The following CEL variants were observed in gnomAD, a reference collection of about 807,000 sequenced individuals.
CEL encodes the protein carboxyl ester lipase.
Under a neutral mutation model 57.1 loss-of-function variants are expected in CEL, and 39 were observed. The observed-to-expected ratio is 0.68, with a 90% confidence interval of 0.53 to 0.89. The LOEUF is 0.89. Among genes scored for constraint, CEL ranks in the 40% least tolerant of loss-of-function variants. CEL has a pLI of 0.00. For missense variants in CEL, 698 were observed against 915.0 expected, an observed-to-expected ratio of 0.76 and a Z score of 3.06; for synonymous variants, 314 against 396.6, an observed-to-expected ratio of 0.79 and a Z score of 2.48.
intron 1 of CEL, 91 bp downstream of exon 1, chr9:133,062,159 GC>G: frequency 7.3e-7 from 1 of 1,362,816 alleles, no homozygotes; most frequent in Non-Finnish European, 1.0e-6. Context: ...GCCCAGCACA[GC>G]CCCGCAGCAG....
At position 133,071,616 on chromosome 9, in the gene CEL, CCA is replaced by C. The variant is rs1830276296; in HGVS notation, c.2116_2117del (p.Thr706GlyfsTer2). 1 of 1,468,374 alleles carries C rather than the reference CCA, an allele frequency of 6.8e-7. No homozygotes were observed. Among genetic ancestry groups the C allele is most frequent in the African/African-American group, 1.5e-5 (1 of 67,524 alleles). The allele number at this position is 1,468,374 out of a possible 1,614,324, so 91.0% of individuals were successfully genotyped here. A position where few individuals can be genotyped will look rare whatever the true frequency, so the allele number is the denominator to read the frequency against. On this transcript the variant is annotated frameshift_variant, in exon 11 of 11. Coordinates refer to ENST00000372080, the MANE Select transcript of CEL (RefSeq NM_001807.6). LOFTEE classifies it high-confidence loss of function. ...GACTCCGGGGCCCCCCCCGTGACCC[CCA>C]CGGGTGACTCCGAGACCGCCCCCGT...
In CEL at chr9:133,071,541, C is replaced by T. The variant is rs1187803337; in HGVS notation, c.2039C>T (p.Pro680Leu). The T allele has an allele frequency of 3.5e-6, 3 of 854,856 alleles. No individual in the cohort carries two copies. Among genetic ancestry groups the T allele is most frequent in the East Asian group, 4.0e-5 (1 of 25,082 alleles). The allele number at this position is 854,856 out of a possible 1,614,324, so 53.0% of individuals were successfully genotyped here. A position where few individuals can be genotyped will look rare whatever the true frequency, so the allele number is the denominator to read the frequency against. Reference protein sequence around the residue: ...VPPTGDAGPPPVPPTGDSGAP... With the variant: ...VPPTGDAGPPLVPPTGDSGAP... ...CCCACGGGTGACGCCGGGCCCCCCC[C>T]CGTGCCGCCCACGGGTGACTCCGGC... The change falls in exon 11 of 11, where the codon CCC (proline) becomes CTC (leucine). Residue 680 changes from proline to leucine, a missense_variant. This residue lies in a region of CEL where 238 missense variants were observed against 213.7 expected (regional missense o/e 1.11). Coordinates refer to ENST00000372080, the MANE Select transcript of CEL (RefSeq NM_001807.6).
rs1331347906 is a variant in CEL at position 133,066,230 on chromosome 9, C to T, written c.539-300C>T. 2.0e-5 allele frequency among the ~76,000 whole-genome samples: 3 copies of T among 152,056 alleles called. No individual in the cohort carries two copies. Among genetic ancestry groups the T allele is most frequent in the Admixed American group, 2.0e-4 (3 of 15,268 alleles). On this transcript the variant is annotated intron_variant, in intron 4 of 10. Transcript: ENST00000372080. The surrounding 1 kb of genome is among the most constrained non-coding windows in gnomAD (Gnocchi z 4.3). ...ATCCTGCCCCCGACAAACACCACCC[C>T]CTCCAGCACCACACCAACCCAACCT... is the stretch of plus-strand genomic sequence containing the variant.
At position 133,066,485 on chromosome 9, in the gene CEL, C is replaced by G. The variant is rs899669409; in HGVS notation, c.539-45C>G. 2 of 1,612,700 alleles carry G rather than the reference C, an allele frequency of 1.2e-6. No individual in the cohort carries two copies. Among genetic ancestry groups the G allele is most frequent in the African/African-American group, 1.3e-5 (1 of 74,910 alleles). Reference sequence around the variant, plus strand: ...TGATCTCCCCTCCTGGAGGCCAGGCCTGGGCCACTGGTCTCTAGCACCCCC... The same window carrying G: ...TGATCTCCCCTCCTGGAGGCCAGGCGTGGGCCACTGGTCTCTAGCACCCCC... On this transcript the variant is annotated intron_variant, in intron 4 of 10. Coordinates refer to ENST00000372080, the MANE Select transcript of CEL (RefSeq NM_001807.6). This position sits in a 1 kb window ranked among gnomAD's most constrained non-coding sequence, Gnocchi z 4.3.
At position 133,064,717 on chromosome 9, in the gene CEL, G is replaced by A. The variant is rs770717741; in HGVS notation, c.295G>A (p.Asp99Asn). The change falls in exon 3 of 11, where the codon GAC becomes AAC. Residue 99 changes from aspartate (D) to asparagine (N), a missense_variant. Transcript: ENST00000372080. Reference sequence around the variant, plus strand: ...CCAGGACAGCACCTACGGGGATGAAGACTGCCTGTACCTCAACATTTGGGT... The same window carrying A: ...CCAGGACAGCACCTACGGGGATGAAAACTGCCTGTACCTCAACATTTGGGT... The part of the protein sequence containing the change: ...ITQDSTYGDE[D>N]CLYLNIWVPQ... 1.2e-6 allele frequency: 2 copies of A among 1,614,030 alleles called. No individual in the cohort carries two copies. The highest frequency in any genetic ancestry group is 1.7e-6 in the Non-Finnish European group (2 of 1,180,032).
chr9:133,067,028 A>C, intron 6 of CEL, 60 bp from the exon 7 acceptor site: 2 of 1,608,636 alleles, frequency 1.2e-6, no homozygotes, highest in East Asian at 4.5e-5. Context: ...CTTGCCTTCA[A>C]ATGGTTCTGA....
At chr9:133,063,131 C>T (rs1261995861) in intron 1 of CEL, among the ~76,000 whole-genome samples, 14 of 152,226 alleles carry the variant, frequency 9.2e-5, no homozygotes, top group Non-Finnish European at 1.8e-4. Context: ...CTGCTCTCCA[C>T]ACTCCCTGGC....
chr9:133,067,276 T>C, intron 7 of CEL, 71 bp downstream of exon 7: 1 of 1,360,650 alleles, frequency 7.3e-7, no homozygotes, highest in Non-Finnish European at 1.0e-6. Context: ...CAGGGAGTAC[T>C]CCGGAGGAGA....
At chr9:133,070,917 G>C (rs1326090782) in intron 10 of CEL, 70 bp from the exon 11 acceptor site, 11 of 1,565,832 alleles carry the variant, frequency 7.0e-6, no homozygotes, top group African/African-American at 1.4e-5. Flanking sequence ...GCTCAGGCGT[G>C]CAGGTGGAGA....
At chr9:133,064,264 G>C in intron 1 of CEL, 140 bp from the exon 2 acceptor site, 1 of 1,100,236 alleles carries the variant, frequency 9.1e-7, no homozygotes, top group Non-Finnish European at 1.3e-6. Context: ...AGGGGGTGCT[G>C]CCTGGGTCTC....
chr9:133,071,604 C>A lies in CEL; in HGVS notation c.2102C>A (p.Pro701His), dbSNP rs748561381. Residue 701 changes from proline to histidine, a missense_variant, in exon 11 of 11, where the codon CCC (proline) becomes CAC (histidine). Physicochemically the swap from Pro to His is moderately conservative, Grantham distance 77 (BLOSUM62 -2). This residue lies in a region of CEL where 238 missense variants were observed against 213.7 expected (regional missense o/e 1.11). Transcript: ENST00000372080. ...PVPPTGDSGA[P>H]PVTPTGDSET... ...CCGCCCACGGGTGACTCCGGGGCCC[C>A]CCCCGTGACCCCCACGGGTGACTCC... The A allele has an allele frequency of 6.9e-7, 1 of 1,441,434 alleles. No homozygotes were observed. The highest frequency in any genetic ancestry group is 1.9e-5 in the Admixed American group (1 of 51,700). The allele number at this position is 1,441,434 out of a possible 1,614,324, so 89.3% of individuals were successfully genotyped here.
Position 133,066,971 on chromosome 9 carries a change from C to A in CEL, c.777+26C>A. 3.5e-6 allele frequency: 2 copies of A among 571,492 alleles called. No homozygotes were observed. Among genetic ancestry groups the A allele is most frequent in the South Asian group, 1.6e-5 (1 of 63,732 alleles). The allele number at this position is 571,492 out of a possible 1,614,324, so 35.4% of individuals were successfully genotyped here. ...GTAAACGGAGGAGGGCAGGGCTGGG[C>A]GGGGTGGGGGCTGTCCACATTTCCG... On this transcript the variant is annotated intron_variant, in intron 6 of 10. Transcript: ENST00000372080. The surrounding 1 kb of genome is among the most constrained non-coding windows in gnomAD (Gnocchi z 4.3).
Position 133,064,499 on chromosome 9 carries a change from C to T in CEL, c.162C>T (p.Pro54=), listed in dbSNP as rs772642535. 6.2e-7 allele frequency: 1 copy of T among 1,614,158 alleles called. No homozygotes were observed. Residue 54 remains proline, a synonymous_variant, in exon 2 of 11, where the codon CCC becomes CCT. Transcript: ENST00000372080. ...GDSVDIFKGI[P]FAAPTKALEN... ...CTGTGGACATCTTCAAGGGCATCCCCTTCGCAGCTCCCACCAAGGCCCTGG... is the reference window on the plus strand; with the variant it reads ...CTGTGGACATCTTCAAGGGCATCCCTTTCGCAGCTCCCACCAAGGCCCTGG...
At chr9:133,067,327 T>C (rs926641823) in intron 7 of CEL, 122 bp downstream of exon 7, 2 of 881,510 alleles carry the variant, frequency 2.3e-6, no homozygotes, top group Non-Finnish European at 1.8e-6. Context: ...TGTCACCAAC[T>C]AGCTGGTGTC....
At chr9:133,064,822 T>C (rs987675653) in intron 3 of CEL, 60 bp downstream of exon 3, 16 of 1,610,900 alleles carry the variant, frequency 9.9e-6, no homozygotes, top group Non-Finnish European at 1.3e-5. Flanking sequence ...CCGGGTCTAC[T>C]CCTGGCTTGA....
intron 1 of CEL, among the ~76,000 whole-genome samples, chr9:133,063,212 C>T (rs1476197357): frequency 6.6e-6 from 1 of 152,220 alleles, no homozygotes; most frequent in Non-Finnish European, 1.5e-5. Context: ...TCTTCTTGGG[C>T]GAGCTCTTCT....
Position 133,064,452 on chromosome 9 carries a change from A to C in CEL, c.115A>C (p.Lys39Gln). ...TGGGTTCGTGGAAGGCGTCAATAAGAAGCTCGGCCTCCTGGGTGACTCTGT... is the reference window on the plus strand; with the variant it reads ...TGGGTTCGTGGAAGGCGTCAATAAGCAGCTCGGCCTCCTGGGTGACTCTGT... The part of the protein sequence containing the change: ...EGGFVEGVNK[K>Q]LGLLGDSVDI... Residue 39 changes from lysine (K) to glutamine (Q), a missense_variant, in exon 2 of 11, where the codon AAG becomes CAG. By Grantham distance (53) the Lys-to-Gln change is moderately conservative. Around this residue, in one of 6 missense-constraint regions of CEL, gnomAD observed 327 missense variants for 374.1 expected, o/e 0.87. Coordinates refer to ENST00000372080, the MANE Select transcript of CEL (RefSeq NM_001807.6). 1 of 1,614,114 alleles carries C rather than the reference A, an allele frequency of 6.2e-7. No individual in the cohort carries two copies. Among genetic ancestry groups the C allele is most frequent in the South Asian group, 1.1e-5 (1 of 91,080 alleles).
Position 133,066,598 on chromosome 9 carries a change from G to A in CEL, c.607G>A (p.Gly203Arg). 6.2e-7 allele frequency: 1 copy of A among 1,613,980 alleles called. No individual in the cohort carries two copies. The highest frequency in any genetic ancestry group is 8.5e-7 in the Non-Finnish European group (1 of 1,180,028). ...GAAGAGGAATATCGCGGCCTTCGGGGGGGACCCCAACAACATCACGCTCTT... is the reference window on the plus strand; with the variant it reads ...GAAGAGGAATATCGCGGCCTTCGGGAGGGACCCCAACAACATCACGCTCTT... ...WVKRNIAAFG[G>R]DPNNITLFGE... Residue 203 changes from glycine (G) to arginine (R), a missense_variant, in exon 5 of 11, where the codon GGG becomes AGG. Physicochemically the swap from Gly to Arg is moderately radical, Grantham distance 125. Transcript: ENST00000372080. This position sits in a 1 kb window ranked among gnomAD's most constrained non-coding sequence, Gnocchi z 4.3.
rs1830248840 is a variant in CEL at position 133,070,870 on chromosome 9, G to T, written c.1485-117G>T. ...AGCCAGTGCCCAGTATGCAGTGAGGGGCATGGTGCCCAGGGCCAGCTCAGA... is the reference window on the plus strand; with the variant it reads ...AGCCAGTGCCCAGTATGCAGTGAGGTGCATGGTGCCCAGGGCCAGCTCAGA... On this transcript the variant is annotated intron_variant, in intron 10 of 10. Coordinates refer to ENST00000372080, the MANE Select transcript of CEL (RefSeq NM_001807.6). The T allele has an allele frequency of 5.9e-5, 78 of 1,325,800 alleles. No individual in the cohort carries two copies. In the South Asian group the frequency reaches 9.3e-4, roughly 16 times the overall value. 82.1% of individuals were successfully genotyped at this position (1,325,800 alleles called of 1,614,324 possible). A position where few individuals can be genotyped will look rare whatever the true frequency, so the allele number is the denominator to read the frequency against.
Sources: gnomAD v4.1 joint callset for allele counts (sites outside exome capture counted in the v4.1 genomes callset) on GRCh38, gnomAD v4.1.1 for gene constraint, gnomAD v4.1.1 regional missense constraint, Gnocchi (gnomAD v3.1) non-coding constraint, MANE v1.5 for transcripts, NCBI Gene and HGNC (gene_info 2026-07-23, HGNC 2026-07-21) for gene names.